NYAP2: variants seen among roughly 807,000 people sequenced by gnomAD.
The protein encoded by NYAP2 is neuronal tyrosine-phosphorylated phosphoinositide-3-kinase adapter 2.
A neutral mutation model predicts 50.4 loss-of-function variants in NYAP2; 23 were observed. The observed-to-expected ratio is 0.46, with a 90% confidence interval of 0.33 to 0.65. The LOEUF (loss-of-function observed/expected upper bound fraction) is 0.65. NYAP2 is among the 30% of genes least tolerant of loss of function. The pLI is 0.02. For synonymous variants in NYAP2, 394 were observed against 365.2 expected (o/e 1.08, Z -0.90); for missense variants, 885 against 861.0 (o/e 1.03, Z -0.35).
intron 4 of NYAP2, among the ~76,000 whole-genome samples, chr2:225,572,956 A>G (rs1379853148): frequency 6.6e-6 from 1 of 152,096 alleles, no homozygotes; most frequent in Non-Finnish European, 1.5e-5. Flanking sequence ...TTCAATCCAG[A>G]TTTTTGACTA....
chr2:225,544,510 A>G (rs1420438605), intron 4 of NYAP2, among the ~76,000 whole-genome samples: 6 of 152,084 alleles, frequency 3.9e-5, no homozygotes, highest in Non-Finnish European at 7.4e-5. Context: ...TGACAAAACT[A>G]ATTGGATAAA....
chr2:225,398,565 A>G (rs139384343), upstream of NYAP2, among the ~76,000 whole-genome samples: 14 of 152,080 alleles, frequency 9.2e-5, no homozygotes, highest in Admixed American at 2.0e-4. Flanking sequence ...TTACTAGTTT[A>G]TAAGTGGTGC....
intron 6 of NYAP2, among the ~76,000 whole-genome samples, chr2:225,642,669 G>T (rs1475944010): frequency 2.0e-5 from 3 of 152,148 alleles, no homozygotes; most frequent in Non-Finnish European, 4.4e-5. Context: ...TAATCGATTG[G>T]ACAGACTTGA....
At chr2:225,621,936 C>T (rs911691346) in intron 5 of NYAP2, among the ~76,000 whole-genome samples, 3 of 152,098 alleles carry the variant, frequency 2.0e-5, no homozygotes, top group African/African-American at 7.2e-5. Context: ...TGTGTTGACC[C>T]AGTCATCGAT....
rs1052003177 is a variant in NYAP2, at chr2:225,591,503, C to T, written c.1618+8468C>T. ...AGGCAGCAGTGCCCAGCCCCTTCCT[C>T]GAGAACACTTCCATAATAATAGTGG... is the stretch of plus-strand genomic sequence containing the variant. On this transcript the variant is annotated intron_variant, in intron 5 of 6. Coordinates refer to ENST00000636099, the Ensembl canonical transcript of NYAP2. 5.3e-5 allele frequency among the ~76,000 whole-genome samples: 8 copies of T among 152,086 alleles called. No homozygotes were observed. The South Asian group carries it at 8.3e-4, about 16-fold the overall frequency.
chr2:225,632,271 C>A (rs922349109), intron 6 of NYAP2, among the ~76,000 whole-genome samples: 2 of 152,144 alleles, frequency 1.3e-5, no homozygotes, highest in African/African-American at 4.8e-5. Context: ...CTTTATACTT[C>A]CTCATCATTG....
intron 3 of NYAP2, among the ~76,000 whole-genome samples, chr2:225,491,317 G>A (rs73075274): frequency 0.021 from 3,228 of 152,222 alleles, 94 homozygotes; most frequent in African/African-American, 0.073. Flanking sequence ...GTTGAGGTGC[G>A]AGGAAGTGTC....
chr2:225,586,403 A>G lies in NYAP2; in HGVS notation c.1618+3368A>G, dbSNP rs373996038. On this transcript the variant is annotated intron_variant, in intron 5 of 6. Coordinates refer to ENST00000636099, the Ensembl canonical transcript of NYAP2. ...TGGTTGATGGGACATTGTTATGTTTATCTATGATTAAATTAGGACACCTGA... is the reference window on the plus strand; with the variant it reads ...TGGTTGATGGGACATTGTTATGTTTGTCTATGATTAAATTAGGACACCTGA... Among the ~76,000 whole-genome samples, 45 of 152,276 alleles carry G rather than the reference A, an allele frequency of 3.0e-4. 1 individual carries two copies. In the South Asian group the frequency reaches 8.9e-3, roughly 30 times the overall value.
At chr2:225,538,791 TTTC>T (rs1402315245) in intron 4 of NYAP2, among the ~76,000 whole-genome samples, 9,374 of 39,360 alleles carry the variant, frequency 0.24, 409 homozygotes, top group South Asian at 0.28. Flanking sequence ...TCTTTCTTTC[TTTC>T]TTTCTTTCTT....
intron 5 of NYAP2, among the ~76,000 whole-genome samples, chr2:225,608,871 T>A (rs1692833143): frequency 6.6e-6 from 1 of 152,098 alleles, no homozygotes; most frequent in Non-Finnish European, 1.5e-5. Context: ...CATTCCCTAG[T>A]CCAAATGTCA....
intron 4 of NYAP2, among the ~76,000 whole-genome samples, chr2:225,531,519 T>C (rs920938768): frequency 2.0e-5 from 3 of 152,230 alleles, no homozygotes; most frequent in African/African-American, 7.2e-5. Flanking sequence ...CCTTGTCCTT[T>C]TGTCGTTGTA....
intron 5 of NYAP2, among the ~76,000 whole-genome samples, chr2:225,604,117 G>A (rs918785733): frequency 2.6e-5 from 4 of 152,138 alleles, no homozygotes; most frequent in African/African-American, 9.7e-5. Flanking sequence ...TGAGTAAACA[G>A]TTCATACATG....
downstream of NYAP2, among the ~76,000 whole-genome samples, chr2:225,654,857 ATTG>A (rs1414380178): frequency 6.6e-6 from 1 of 152,158 alleles, no homozygotes; most frequent in Admixed American, 6.5e-5. Flanking sequence ...TACTTCTCAG[ATTG>A]TTGTTGTCAT....
chr2:225,570,336 A>G (rs1218707436), intron 4 of NYAP2, among the ~76,000 whole-genome samples: 1 of 152,172 alleles, frequency 6.6e-6, no homozygotes, highest in Non-Finnish European at 1.5e-5. Context: ...ATAGAACTAG[A>G]ATCCCACTTT....
At chr2:225,595,112 T>C (rs2106237883) in intron 5 of NYAP2, among the ~76,000 whole-genome samples, 1 of 152,354 alleles carries the variant, frequency 6.6e-6, no homozygotes, top group Non-Finnish European at 1.5e-5. Flanking sequence ...ACTACTCAAC[T>C]TTCAGTTATA....
chr2:225,496,596 C>T (rs1690510030), intron 3 of NYAP2, among the ~76,000 whole-genome samples: 2 of 152,078 alleles, frequency 1.3e-5, no homozygotes, highest in Admixed American at 6.6e-5. Flanking sequence ...CAATAAAGCC[C>T]CACAGAAAAC....
chr2:225,683,179 A>AT, the NYAP2 span, among the ~76,000 whole-genome samples: 2 of 152,110 alleles, frequency 1.3e-5, no homozygotes, highest in African/African-American at 4.8e-5. Flanking sequence ...GCCTGAAATA[A>AT]TTTTCAGCAA....
At chr2:225,679,490 A>G in the NYAP2 span, among the ~76,000 whole-genome samples, 1 of 98,152 alleles carries the variant, frequency 1.0e-5, no homozygotes, top group South Asian at 3.8e-4. Flanking sequence ...GGAGCTTCTA[A>G]TTGTTTTTTT....
At chr2:225,482,067 C>T (rs1690216005) in intron 3 of NYAP2, among the ~76,000 whole-genome samples, 1 of 152,110 alleles carries the variant, frequency 6.6e-6, no homozygotes, top group African/African-American at 2.4e-5. Context: ...CCACAGTATA[C>T]AAAAATATCT....
Sources: allele counts gnomAD v4.1 joint callset (sites outside exome capture counted in the v4.1 genomes callset), GRCh38; gene constraint gnomAD v4.1.1; transcripts MANE v1.5; gene names NCBI Gene and HGNC (gene_info 2026-07-23, HGNC 2026-07-21).